The following CNTNAP2 variants were observed in gnomAD, a reference collection of about 807,000 sequenced individuals.
The protein encoded by CNTNAP2 is contactin-associated protein-like 2.
CNTNAP2 carries 98 observed loss-of-function variants against 155.2 expected under a neutral mutation model. The ratio of observed to expected loss-of-function variants is 0.63; its 90% CI spans 0.54 to 0.75. The LOEUF (loss-of-function observed/expected upper bound fraction) is 0.75, where lower values mean the gene tolerates loss of function less well. Among genes scored for constraint, CNTNAP2 ranks in the 30% least tolerant of loss-of-function variants. The probability of loss-of-function intolerance (pLI) is 0.00; values close to 1 mark genes in which losing one functional copy is unlikely to be tolerated. For synonymous variants in CNTNAP2, 651 were observed against 631.2 expected, an observed-to-expected ratio of 1.03 and a Z score of -0.47; for missense variants, 1,727 against 1,688.1, an observed-to-expected ratio of 1.02 and a Z score of -0.40.
At chr7:146,560,264 G>A (rs1798259896) in intron 1 of CNTNAP2, among the ~76,000 whole-genome samples, 1 of 151,936 alleles carries the variant, frequency 6.6e-6, no homozygotes, top group South Asian at 2.1e-4. Flanking sequence ...ATGCCGATGA[G>A]TTTGTGCCAG....
At chr7:147,503,933 G>A (rs1798862926) in intron 11 of CNTNAP2, among the ~76,000 whole-genome samples, 1 of 152,164 alleles carries the variant, frequency 6.6e-6, no homozygotes, top group Non-Finnish European at 1.5e-5. Flanking sequence ...AGGAGAGTAT[G>A]TTAGGTATTG....
At chr7:148,233,443 T>G (rs986654810) in intron 20 of CNTNAP2, among the ~76,000 whole-genome samples, 1 of 152,184 alleles carries the variant, frequency 6.6e-6, no homozygotes, top group Non-Finnish European at 1.5e-5. Context: ...TCTTACCACT[T>G]GGATAAATTT....
At chr7:148,378,245 G>GA (rs1321754236) in intron 21 of CNTNAP2, among the ~76,000 whole-genome samples, 1 of 67,942 alleles carries the variant, frequency 1.5e-5, no homozygotes, top group African/African-American at 3.6e-5. Context: ...AAGAGAGCAG[G>GA]AACACACCTG....
intron 12 of CNTNAP2, among the ~76,000 whole-genome samples, chr7:147,623,231 C>T (rs552838862): frequency 5.5e-4 from 83 of 152,076 alleles, no homozygotes; most frequent in Middle Eastern, 3.4e-3. Context: ...TGTTATTCAA[C>T]GTAATACTGA....
chr7:148,176,211 C>CTTTT (rs1188113801), intron 18 of CNTNAP2, among the ~76,000 whole-genome samples: 16 of 92,794 alleles, frequency 1.7e-4, no homozygotes, highest in African/African-American at 5.2e-4. Context: ...CTTTCTTTCT[C>CTTTT]TTTTTTTTTT....
At chr7:146,866,760 G>T (rs1381183227) in intron 3 of CNTNAP2, among the ~76,000 whole-genome samples, 1 of 151,986 alleles carries the variant, frequency 6.6e-6, no homozygotes, top group Non-Finnish European at 1.5e-5. Context: ...TTGTAATAGA[G>T]CAGAGTTGGA....
chr7:146,460,556 A>C (rs1266424327), intron 1 of CNTNAP2, among the ~76,000 whole-genome samples: 1 of 152,204 alleles, frequency 6.6e-6, no homozygotes, highest in Non-Finnish European at 1.5e-5. Flanking sequence ...ATGGATAAAT[A>C]AATTGTATGA....
intron 1 of CNTNAP2, among the ~76,000 whole-genome samples, chr7:146,722,511 A>G (rs1023204785): frequency 4.6e-5 from 7 of 152,086 alleles, no homozygotes; most frequent in Non-Finnish European, 8.8e-5. Context: ...TCCTTTCTCA[A>G]TACATTAATA....
At chr7:147,824,896 T>C (rs1388903001) in intron 13 of CNTNAP2, among the ~76,000 whole-genome samples, 1 of 152,086 alleles carries the variant, frequency 6.6e-6, no homozygotes, top group Non-Finnish European at 1.5e-5. Context: ...TCCAGCACTT[T>C]CCATATAGGG....
At chr7:147,517,542 C>T (rs1366057097) in intron 11 of CNTNAP2, among the ~76,000 whole-genome samples, 1 of 152,098 alleles carries the variant, frequency 6.6e-6, no homozygotes, top group African/African-American at 2.4e-5. Flanking sequence ...TCTGAAAATG[C>T]ACAATAAGTA....
intron 1 of CNTNAP2, among the ~76,000 whole-genome samples, chr7:146,371,365 GTTTTTTTT>G (rs58066282): frequency 2.0e-5 from 2 of 98,538 alleles, no homozygotes; most frequent in African/African-American, 9.0e-5. Context: ...GCCAGTATTA[GTTTTTTTT>G]TTTTTTTTTT....
chr7:146,151,695 T>C (rs1248986700), intron 1 of CNTNAP2, among the ~76,000 whole-genome samples: 3 of 43,680 alleles, frequency 6.9e-5, no homozygotes, highest in Admixed American at 5.1e-4. Flanking sequence ...TATATATATA[T>C]ATGTATATAT....
At chr7:148,018,311 C>A (rs1468779899) in intron 15 of CNTNAP2, among the ~76,000 whole-genome samples, 1 of 152,146 alleles carries the variant, frequency 6.6e-6, no homozygotes, top group Non-Finnish European at 1.5e-5. Flanking sequence ...GTCAAGCTCC[C>A]ATAATTTCTT....
rs1367740301 is a variant in CNTNAP2 at position 146,720,902 on chromosome 7, C to CTA, written c.98-53360_98-53359dup. ...TATATATATACTCTCTATATATATT[C>CTA]TATATATATACTCTCTATATATTCT... On this transcript the variant is annotated intron_variant, in intron 1 of 23. Coordinates refer to ENST00000361727, the MANE Select transcript of CNTNAP2 (RefSeq NM_014141.6). Among the ~76,000 whole-genome samples the CTA allele has an allele frequency of 5.9e-3, 839 of 141,980 alleles. 8 individuals are homozygous for CTA. Among genetic ancestry groups the CTA allele is most frequent in the African/African-American group, 0.02 (790 of 38,720 alleles). 93.1% of individuals were successfully genotyped at this position (141,980 alleles called of 152,430 possible).
At chr7:146,977,122 G>A (rs564649601) in intron 3 of CNTNAP2, among the ~76,000 whole-genome samples, 1 of 152,094 alleles carries the variant, frequency 6.6e-6, no homozygotes, top group Non-Finnish European at 1.5e-5. Flanking sequence ...GAACATAAAT[G>A]AAAATACATA....
chr7:147,784,183 C>T (rs950457116), intron 13 of CNTNAP2, among the ~76,000 whole-genome samples: 3 of 151,648 alleles, frequency 2.0e-5, no homozygotes, highest in Non-Finnish European at 4.4e-5. Context: ...CTGAAGGGCT[C>T]GTCCTAACTA....
intron 11 of CNTNAP2, among the ~76,000 whole-genome samples, chr7:147,548,493 A>G (rs1182574150): frequency 6.6e-6 from 1 of 152,090 alleles, no homozygotes; most frequent in Non-Finnish European, 1.5e-5. Flanking sequence ...TTCCTTGTAA[A>G]TTCTGGATAT....
At chr7:147,900,676 G>T (rs1248949222) in intron 13 of CNTNAP2, among the ~76,000 whole-genome samples, 2 of 152,032 alleles carry the variant, frequency 1.3e-5, no homozygotes, top group African/African-American at 4.8e-5. Context: ...GGGTACAGTG[G>T]TGCAATCTCT....
chr7:146,733,351 A>G (rs1801557922), intron 1 of CNTNAP2, among the ~76,000 whole-genome samples: 1 of 152,134 alleles, frequency 6.6e-6, no homozygotes, highest in Admixed American at 6.5e-5. Context: ...GGGATGAAGC[A>G]TTATTCTTTT....
Sources: gnomAD v4.1 joint callset for allele counts (sites outside exome capture counted in the v4.1 genomes callset) on GRCh38, gnomAD v4.1.1 for gene constraint, MANE v1.5 for transcripts, NCBI Gene and HGNC (gene_info 2026-07-23, HGNC 2026-07-21) for gene names.